PADI4: variants seen among roughly 807,000 people sequenced by gnomAD.
The protein encoded by PADI4 is peptidyl arginine deiminase 4, also known as protein-arginine deiminase type-4.
A neutral mutation model predicts 75.0 loss-of-function variants in PADI4; 62 were observed. The ratio of observed to expected loss-of-function variants is 0.83; its 90% CI spans 0.67 to 1.02. PADI4 has a LOEUF of 1.02. Among genes scored for constraint, PADI4 ranks in the 50% least tolerant of loss-of-function variants. The pLI is 0.00. For synonymous variants in PADI4, 361 were observed against 348.1 expected (o/e 1.04, Z -0.41); for missense variants, 845 against 850.5 (o/e 0.99, Z 0.08).
At chr1:17,309,313 A>G (rs1218724556) in intron 1 of PADI4, among the ~76,000 whole-genome samples, 6 of 152,174 alleles carry the variant, frequency 3.9e-5, no homozygotes, top group Non-Finnish European at 8.8e-5. Context: ...GTCACTAGAC[A>G]GATAAACTCA....
chr1:17,347,784 G>T (rs1020308078), intron 9 of PADI4, 157 bp from the exon 10 acceptor site: 4 of 467,210 alleles, frequency 8.6e-6, no homozygotes, highest in African/African-American at 5.9e-5. Context: ...AATAAGCTCC[G>T]CTTCTGAGCC....
chr1:17,352,013 A>AAGT (rs2074650392), intron 10 of PADI4, among the ~76,000 whole-genome samples: 1 of 9,926 alleles, frequency 1.0e-4, no homozygotes. Flanking sequence ...TGATGGGAGG[A>AAGT]GAGGCGGCCA....
At chr1:17,317,343 A>G (rs990274285) in intron 1 of PADI4, among the ~76,000 whole-genome samples, 1 of 152,122 alleles carries the variant, frequency 6.6e-6, no homozygotes, top group African/African-American at 2.4e-5. Flanking sequence ...ATCTTGGCTC[A>G]CTGCAATCTC....
chr1:17,313,239 C>A (rs1211513864), intron 1 of PADI4, among the ~76,000 whole-genome samples: 1 of 151,654 alleles, frequency 6.6e-6, no homozygotes. Flanking sequence ...GTAGCTCATG[C>A]CTGTAATCCC....
intron 14 of PADI4, 73 bp from the exon 15 acceptor site, chr1:17,359,207 C>G (rs553305133): frequency 5.5e-5 from 59 of 1,063,806 alleles, no homozygotes; most frequent in Admixed American, 5.5e-4. Context: ...GGGGCCTCAG[C>G]CCCACACTGT....
chr1:17,311,595 G>T (rs1216213459), intron 1 of PADI4, among the ~76,000 whole-genome samples: 1 of 151,322 alleles, frequency 6.6e-6, no homozygotes, highest in Non-Finnish European at 1.5e-5. Context: ...CAAGATCTTG[G>T]CTCACCGCAA....
chr1:17,345,077 GC>G (rs1456484735), intron 8 of PADI4, among the ~76,000 whole-genome samples: 2 of 152,236 alleles, frequency 1.3e-5, no homozygotes, highest in Non-Finnish European at 2.9e-5. Flanking sequence ...GGGCAGAGCT[GC>G]CTAAGACCAT....
chr1:17,361,001 C>G (rs373081209), intron 15 of PADI4, among the ~76,000 whole-genome samples: 1 of 152,186 alleles, frequency 6.6e-6, no homozygotes, highest in South Asian at 2.1e-4. Context: ...AGAGCATACC[C>G]GAGACCGAGG....
chr1:17,345,391 G>A (rs1270808161), intron 8 of PADI4, among the ~76,000 whole-genome samples: 2 of 152,174 alleles, frequency 1.3e-5, no homozygotes, highest in African/African-American at 4.8e-5. Context: ...AATGAGTTAA[G>A]ACTTTGGGGG....
chr1:17,316,711 T>TAATA (rs1553142339), intron 1 of PADI4, among the ~76,000 whole-genome samples: 31 of 137,740 alleles, frequency 2.3e-4, no homozygotes, highest in African/African-American at 7.6e-4. Context: ...ATAAATAAAT[T>TAATA]AATTAATTAA....
intron 10 of PADI4, among the ~76,000 whole-genome samples, chr1:17,352,609 C>T (rs183769026): frequency 1.3e-5 from 2 of 152,054 alleles, no homozygotes; most frequent in African/African-American, 4.8e-5. Context: ...TTCTGACCCC[C>T]GCTATGAGAG....
chr1:17,339,628 A>T lies in PADI4; in HGVS notation c.527-60A>T. ...GGCTCCACCAGGAGGTGAGGTGGCT[A>T]TGGGAAACCAGCAGCGGTCTCAGGG... On this transcript the variant is annotated intron_variant, in intron 5 of 15. Transcript: ENST00000375448. 3 of 1,599,632 alleles carry T rather than the reference A, an allele frequency of 1.9e-6. No homozygotes were observed. The Admixed American group carries it at 5.0e-5, about 27-fold the overall frequency.
intron 15 of PADI4, among the ~76,000 whole-genome samples, chr1:17,362,897 G>T (rs768274938): frequency 2.6e-5 from 4 of 152,030 alleles, no homozygotes; most frequent in Non-Finnish European, 5.9e-5. Context: ...AATGATCTCG[G>T]CTCACTGAAA....
rs79042509 is a variant in PADI4, at chr1:17,362,781, C to T, written c.1759-741C>T. ...GTGGCCTTAGGCAAACAATTTTCCACGTCTGGGTCTCAGTTTTCTCATTTG... is the reference window on the plus strand; with the variant it reads ...GTGGCCTTAGGCAAACAATTTTCCATGTCTGGGTCTCAGTTTTCTCATTTG... On this transcript the variant is annotated intron_variant, in intron 15 of 15. Transcript: ENST00000375448. Among the ~76,000 whole-genome samples the T allele has an allele frequency of 9.4e-3, 1,429 of 152,216 alleles. 79 individuals carry two copies. The East Asian group carries it at 0.16, about 17-fold the overall frequency.
Position 17,356,055 on chromosome 1 carries a change from G to A in PADI4, c.1383G>A (p.Lys461=), listed in dbSNP as rs935621285. The A allele has an allele frequency of 6.8e-6, 11 of 1,614,184 alleles. No homozygotes were observed. Among genetic ancestry groups the A allele is most frequent in the Non-Finnish European group, 9.3e-6 (11 of 1,180,020 alleles). Residue 461 remains lysine, a synonymous_variant, in exon 12 of 16, where the codon AAG becomes AAA. Coordinates refer to ENST00000375448, the MANE Select transcript of PADI4 (RefSeq NM_012387.3). The surrounding 1 kb of genome is among the most constrained non-coding windows in gnomAD (Gnocchi z 4.1). ...LSAQQVQAPV[K]LYSDWLSVGH... ...CCCAGCAGGTGCAGGCCCCTGTGAA[G>A]CTCTATTCTGACTGGCTGTCCGTGG...
At position 17,336,267 on chromosome 1, in the gene PADI4, T is replaced by G. The variant is rs149555924; in HGVS notation, c.408+41T>G. 2,320 of 1,528,534 alleles carry G rather than the reference T, an allele frequency of 1.5e-3. 32 individuals are homozygous for G. In the African/African-American group the frequency reaches 0.027, roughly 18 times the overall value. 94.7% of individuals were successfully genotyped at this position (1,528,534 alleles called of 1,614,324 possible). ...ACGCTCCTTTCCTACTTCTACTGGATTCTCCCCGGGCGCCCCCTTGTGGTG... is the reference window on the plus strand; with the variant it reads ...ACGCTCCTTTCCTACTTCTACTGGAGTCTCCCCGGGCGCCCCCTTGTGGTG... On this transcript the variant is annotated intron_variant, in intron 4 of 15. Transcript: ENST00000375448.
chr1:17,319,509 A>G (rs1024376782), intron 1 of PADI4, among the ~76,000 whole-genome samples: 1 of 152,216 alleles, frequency 6.6e-6, no homozygotes, highest in African/African-American at 2.4e-5. Flanking sequence ...GTTGAGTTGC[A>G]GTGCACTGTG....
chr1:17,361,378 G>A (rs2074845872), intron 15 of PADI4, among the ~76,000 whole-genome samples: 1 of 152,262 alleles, frequency 6.6e-6, no homozygotes, highest in Non-Finnish European at 1.5e-5. Context: ...CAACGCTGAG[G>A]GCTGACTGTG....
intron 8 of PADI4, among the ~76,000 whole-genome samples, chr1:17,343,082 G>A (rs921651481): frequency 5.3e-5 from 8 of 152,216 alleles, no homozygotes; most frequent in African/African-American, 1.9e-4. Context: ...AGCTACTCGG[G>A]AGGCTGAGGC....
Sources: allele counts gnomAD v4.1 joint callset (sites outside exome capture counted in the v4.1 genomes callset), GRCh38; gene constraint gnomAD v4.1.1; non-coding constraint Gnocchi (gnomAD v3.1); transcripts MANE v1.5; gene names NCBI Gene and HGNC (gene_info 2026-07-23, HGNC 2026-07-21).